FGGY: variants seen among roughly 807,000 people sequenced by gnomAD.
FGGY encodes the protein FGGY carbohydrate kinase domain-containing protein.
FGGY carries 72 observed loss-of-function variants against 71.3 expected under a neutral mutation model. The observed-to-expected ratio is 1.01, with a 90% CI of 0.84 to 1.23. FGGY has a LOEUF of 1.23. FGGY is among the 50% of genes most tolerant of loss of function. The pLI is 0.00. For synonymous variants in FGGY, 251 were observed against 250.3 expected (o/e 1.00, Z -0.02); for missense variants, 668 against 682.3 (o/e 0.98, Z 0.23).
chr1:59,646,776 T>C (rs2097098920), intron 11 of FGGY, among the ~76,000 whole-genome samples: 1 of 152,064 alleles, frequency 6.6e-6, no homozygotes. Flanking sequence ...AGTAGCTTAC[T>C]CAGAGGAGAA....
intron 9 of FGGY, among the ~76,000 whole-genome samples, chr1:59,609,155 G>T (rs1295032194): frequency 2.0e-5 from 3 of 152,194 alleles, no homozygotes; most frequent in African/African-American, 7.2e-5. Context: ...ACATGGAAGT[G>T]AAAAATAACG....
chr1:59,501,414 TTTGA>T (rs1363118657), intron 6 of FGGY, among the ~76,000 whole-genome samples: 1 of 151,432 alleles, frequency 6.6e-6, no homozygotes, highest in Non-Finnish European at 1.5e-5. Flanking sequence ...GATCTTTGTA[TTTGA>T]TTGTGAAAAA....
At chr1:59,738,950 C>T (rs1256828141) in intron 14 of FGGY, among the ~76,000 whole-genome samples, 1 of 152,194 alleles carries the variant, frequency 6.6e-6, no homozygotes, top group Non-Finnish European at 1.5e-5. Flanking sequence ...GGAATCCAGG[C>T]ACATTCTCTC....
chr1:59,400,082 T>C (rs1306764103), intron 5 of FGGY, among the ~76,000 whole-genome samples: 6 of 152,218 alleles, frequency 3.9e-5, no homozygotes, highest in Non-Finnish European at 8.8e-5. Context: ...TATATATTAA[T>C]ACATTTTTGG....
intron 14 of FGGY, among the ~76,000 whole-genome samples, chr1:59,708,648 G>A (rs2097772610): frequency 6.6e-6 from 1 of 152,166 alleles, no homozygotes; most frequent in South Asian, 2.1e-4. Flanking sequence ...TTGCAAATGA[G>A]GAACTAGATT....
At chr1:59,456,167 T>C (rs1317272434) in intron 5 of FGGY, among the ~76,000 whole-genome samples, 1 of 152,154 alleles carries the variant, frequency 6.6e-6, no homozygotes, top group Non-Finnish European at 1.5e-5. Context: ...ATCTTGCCCT[T>C]AGCCACATGC....
intron 5 of FGGY, among the ~76,000 whole-genome samples, chr1:59,435,952 A>T (rs1200019261): frequency 6.6e-6 from 1 of 152,188 alleles, no homozygotes; most frequent in African/African-American, 2.4e-5. Context: ...AGCTGACTTC[A>T]TGGGGCAGAT....
At chr1:59,535,446 A>T (rs1293223529) in intron 7 of FGGY, among the ~76,000 whole-genome samples, 1 of 152,166 alleles carries the variant, frequency 6.6e-6, no homozygotes, top group African/African-American at 2.4e-5. Context: ...CAACAAGGAT[A>T]CCCAGGAATT....
chr1:59,347,561 A>G (rs1570753742), intron 4 of FGGY, among the ~76,000 whole-genome samples: 3 of 152,254 alleles, frequency 2.0e-5, no homozygotes, highest in East Asian at 1.9e-4. Context: ...ATAAACATAC[A>G]TGTGCATGTG....
At chr1:59,645,185 ACT>A (rs1287531180) in intron 11 of FGGY, among the ~76,000 whole-genome samples, 2 of 152,132 alleles carry the variant, frequency 1.3e-5, no homozygotes, top group Non-Finnish European at 2.9e-5. Flanking sequence ...TGGCGGGTTA[ACT>A]CTGTGCAGCT....
At chr1:59,707,232 C>T (rs901965585) in intron 14 of FGGY, among the ~76,000 whole-genome samples, 5 of 152,098 alleles carry the variant, frequency 3.3e-5, no homozygotes, top group Admixed American at 6.5e-5. Context: ...TTTTGCCTAG[C>T]GAAACTGCGA....
At chr1:59,460,460 A>G (rs1415592336) in intron 6 of FGGY, among the ~76,000 whole-genome samples, 1 of 152,140 alleles carries the variant, frequency 6.6e-6, no homozygotes, top group Non-Finnish European at 1.5e-5. Context: ...TGTAGACCCC[A>G]CCACTGGGGG....
At chr1:59,653,294 T>C (rs1399153379) in intron 11 of FGGY, among the ~76,000 whole-genome samples, 85 of 152,328 alleles carry the variant, frequency 5.6e-4, no homozygotes, top group Middle Eastern at 3.4e-3. Context: ...GTTCGAGCTT[T>C]TGGGCTGCTT....
intron 10 of FGGY, among the ~76,000 whole-genome samples, chr1:59,630,451 A>T (rs115508787): frequency 6.6e-6 from 1 of 152,128 alleles, no homozygotes; most frequent in East Asian, 1.9e-4. Context: ...AGAGTCCTTG[A>T]GTTCTTGTAC....
rs78016589 is a variant in FGGY, at chr1:59,590,468, T to A, written c.904-17335T>A. On this transcript the variant is annotated intron_variant, in intron 8 of 15. Transcript: ENST00000303721. ...CCAGAATCATCCTGATACCAAAGCC[T>A]GGCAGAGACACAACCAAAAAAGAGA... is the stretch of plus-strand genomic sequence containing the variant. Among the ~76,000 whole-genome samples, 760 of 152,130 alleles carry A rather than the reference T, an allele frequency of 5.0e-3. 8 individuals are homozygous for A. Among genetic ancestry groups the A allele is most frequent in the African/African-American group, 0.017 (710 of 41,476 alleles).
chr1:59,387,127 G>A (rs911861347), intron 5 of FGGY, among the ~76,000 whole-genome samples: 3 of 152,014 alleles, frequency 2.0e-5, no homozygotes, highest in Non-Finnish European at 4.4e-5. Context: ...TTACCAGTCT[G>A]TCAGGAGATG....
intron 3 of FGGY, among the ~76,000 whole-genome samples, chr1:59,344,245 C>A (rs2051307436): frequency 6.6e-6 from 1 of 150,738 alleles, no homozygotes; most frequent in Non-Finnish European, 1.5e-5. Flanking sequence ...GCAACTGAGC[C>A]CCTGCCTTGT....
chr1:59,444,483 G>C (rs1204009247), intron 5 of FGGY, among the ~76,000 whole-genome samples: 2 of 152,092 alleles, frequency 1.3e-5, no homozygotes, highest in East Asian at 3.9e-4. Context: ...TCTTACAGTG[G>C]TATAGAACAG....
At chr1:59,608,304 C>G (rs571279233) in intron 9 of FGGY, among the ~76,000 whole-genome samples, 1 of 152,322 alleles carries the variant, frequency 6.6e-6, no homozygotes, top group East Asian at 1.9e-4. Context: ...TCTATCCCCT[C>G]CAGTCCCACA....
Sources: gnomAD v4.1 joint callset for allele counts (sites outside exome capture counted in the v4.1 genomes callset) on GRCh38, gnomAD v4.1.1 for gene constraint, MANE v1.5 for transcripts, NCBI Gene and HGNC (gene_info 2026-07-23, HGNC 2026-07-21) for gene names.